Variants in PCGF2 observed in about 807,000 individuals in gnomAD.
The protein encoded by PCGF2 is polycomb group ring finger 2.
Under a neutral mutation model 36.1 loss-of-function variants are expected in PCGF2, and 8 were observed. That is an observed-to-expected ratio of 0.22 (90% CI 0.13 to 0.40). PCGF2 has a LOEUF of 0.40. Ranked by LOEUF, PCGF2 falls within the 10% of genes least tolerant of loss-of-function variation. PCGF2 has a pLI of 1.00. For missense variants in PCGF2, 436 were observed against 475.9 expected, an observed-to-expected ratio of 0.92 and a Z score of 0.78; for synonymous variants, 198 against 191.2, an observed-to-expected ratio of 1.04 and a Z score of -0.29.
At chr17:38,740,732 C>T (rs969204430) in intron 2 of PCGF2, among the ~76,000 whole-genome samples, 3 of 152,072 alleles carry the variant, frequency 2.0e-5, no homozygotes, top group Non-Finnish European at 4.4e-5. Flanking sequence ...GCACTCCAGC[C>T]TGGGCGACAG....
intron 2 of PCGF2, among the ~76,000 whole-genome samples, chr17:38,741,750 T>C (rs954609104): frequency 4.6e-5 from 7 of 152,128 alleles, no homozygotes; most frequent in South Asian, 2.1e-4. Flanking sequence ...ATGCCTGAAG[T>C]TGGGAACGTG....
At position 38,735,284 on chromosome 17, in the gene PCGF2, G is replaced by C; in HGVS notation, c.974C>G (p.Ser325Cys). Reference sequence around the variant, plus strand: ...CATCTTGCGCCCCCTGCTGGTGGAGGATGGTGTCTGCAGGCAGTTCAAGCT... The same window carrying C: ...CATCTTGCGCCCCCTGCTGGTGGAGCATGGTGTCTGCAGGCAGTTCAAGCT... ...GGSLNCLQTP[S>C]STSRGRKMTV... is the part of the protein sequence containing the mutation. Residue 325 changes from serine (S) to cysteine (C), a missense_variant, in exon 11 of 11, where the codon TCC becomes TGC. Around this residue, in one of 3 missense-constraint regions of PCGF2, gnomAD observed 227 missense variants for 212.9 expected, o/e 1.07. Coordinates refer to ENST00000620225, the MANE Select transcript of PCGF2 (RefSeq NM_007144.3). 1 of 1,487,632 alleles carries C rather than the reference G, an allele frequency of 6.7e-7. No individual in the cohort carries two copies. Among genetic ancestry groups the C allele is most frequent in the Non-Finnish European group, 9.0e-7 (1 of 1,108,238 alleles). 92.2% of individuals were successfully genotyped at this position (1,487,632 alleles called of 1,614,324 possible).
intron 9 of PCGF2, among the ~76,000 whole-genome samples, chr17:38,736,572 T>C (rs9889239): frequency 0.51 from 77,496 of 151,944 alleles, 20,006 homozygotes; most frequent in African/African-American, 0.56. Flanking sequence ...CGGTGGCTCA[T>C]GCCTGTAATC....
At chr17:38,744,576 C>G (rs1255071682) in intron 2 of PCGF2, among the ~76,000 whole-genome samples, 3 of 152,038 alleles carry the variant, frequency 2.0e-5, no homozygotes, top group Non-Finnish European at 4.4e-5. Flanking sequence ...GGCTGGTTTC[C>G]AACTCCTGGC....
intron 2 of PCGF2, among the ~76,000 whole-genome samples, chr17:38,743,159 C>T (rs1200384678): frequency 4.7e-5 from 7 of 149,424 alleles, no homozygotes; most frequent in Non-Finnish European, 7.4e-5. Context: ...GGTGCGATCT[C>T]GGCTCACTGC....
chr17:38,741,204 G>A (rs1347718302), intron 2 of PCGF2, among the ~76,000 whole-genome samples: 3 of 151,680 alleles, frequency 2.0e-5, no homozygotes, highest in South Asian at 4.2e-4. Flanking sequence ...CTGGGTGGTC[G>A]AGGCTACAGT....
At position 38,738,821 on chromosome 17, in the gene PCGF2, C is replaced by T. The variant is rs1237454347; in HGVS notation, c.357G>A (p.Glu119=). The T allele has an allele frequency of 6.2e-7, 1 of 1,614,002 alleles. No individual in the cohort carries two copies. Among genetic ancestry groups the T allele is most frequent in the Non-Finnish European group, 8.5e-7 (1 of 1,179,996 alleles). Residue 119 remains glutamate, a synonymous_variant, in exon 7 of 11, where the codon GAG becomes GAA. Coordinates refer to ENST00000620225, the MANE Select transcript of PCGF2 (RefSeq NM_007144.3). ...CATCACTCAGAGCCCCCTTCTCCTG[C>T]TCCAAGACCTCGCCGCGGTCCTCAT... ...GSNEDRGEVL[E]QEKGALSDDE... is the part of the protein sequence containing the mutation.
At chr17:38,745,821 C>T (rs150468357) in intron 2 of PCGF2, among the ~76,000 whole-genome samples, 2 of 152,164 alleles carry the variant, frequency 1.3e-5, no homozygotes, top group Non-Finnish European at 2.9e-5. Flanking sequence ...TGACCATCAG[C>T]ATGGACTCCT....
intron 2 of PCGF2, among the ~76,000 whole-genome samples, chr17:38,746,878 T>C (rs1259696679): frequency 6.6e-6 from 1 of 152,200 alleles, no homozygotes. Flanking sequence ...GCTGGCTTTA[T>C]GCTCCCAGTA....
intron 8 of PCGF2, 39 bp from the exon 9 acceptor site, chr17:38,738,487 C>G (rs1906936529): frequency 6.2e-7 from 1 of 1,612,862 alleles, no homozygotes; most frequent in African/African-American, 1.3e-5. Context: ...GGATCCACCC[C>G]AGGCCACTCC....
At chr17:38,736,562 C>A (rs888986295) in intron 9 of PCGF2, among the ~76,000 whole-genome samples, 1 of 152,138 alleles carries the variant, frequency 6.6e-6, no homozygotes, top group Non-Finnish European at 1.5e-5. Flanking sequence ...TGGCCGGGTG[C>A]GGTGGCTCAT....
In PCGF2 at chr17:38,735,156, A is replaced by C; in HGVS notation, c.*67T>G. The C allele has an allele frequency of 8.1e-7, 1 of 1,231,614 alleles. No homozygotes were observed. Among genetic ancestry groups the C allele is most frequent in the Non-Finnish European group, 1.0e-6 (1 of 952,782 alleles). 76.3% of individuals were successfully genotyped at this position (1,231,614 alleles called of 1,614,324 possible). The stretch of plus-strand genomic sequence containing the variant: ...GCTGGGGAAAGTAGAAGAGGTGGAA[A>C]AAAGGGCCCAGAAAAAGTGGAAGGA... On this transcript the variant is annotated 3_prime_UTR_variant, in exon 11 of 11. Transcript: ENST00000620225.
chr17:38,748,410 A>T (rs1907704245), upstream of PCGF2: 1 of 149,464 alleles, frequency 6.7e-6, no homozygotes, highest in African/African-American at 2.5e-5. Flanking sequence ...TGGGGGGGAG[A>T]CAAAATGGCT....
intron 2 of PCGF2, among the ~76,000 whole-genome samples, chr17:38,747,423 C>T (rs867047642): frequency 3.9e-5 from 6 of 152,224 alleles, no homozygotes; most frequent in South Asian, 2.1e-4. Context: ...CCCCAGCGCC[C>T]GGGCTTCCCC....
chr17:38,743,438 G>C (rs575263468), intron 2 of PCGF2, among the ~76,000 whole-genome samples: 2 of 151,844 alleles, frequency 1.3e-5, no homozygotes, highest in East Asian at 3.9e-4. Flanking sequence ...CCCACACTGC[G>C]AATGGCTGTA....
At chr17:38,744,190 G>C (rs1339605906) in intron 2 of PCGF2, among the ~76,000 whole-genome samples, 2 of 152,128 alleles carry the variant, frequency 1.3e-5, no homozygotes, top group African/African-American at 4.8e-5. Flanking sequence ...CCACATTCTG[G>C]GCCCTGAGGC....
In PCGF2 at chr17:38,735,563, G is replaced by C. The variant is rs749903360; in HGVS notation, c.695C>G (p.Ala232Gly). The C allele has an allele frequency of 5.0e-6, 8 of 1,585,228 alleles. No individual in the cohort carries two copies. Among genetic ancestry groups the C allele is most frequent in the Non-Finnish European group, 5.1e-6 (6 of 1,165,128 alleles). ...PLPLKYRVQP[A>G]CKRLTLATVP... Reference sequence around the variant, plus strand: ...CGTGGCTAGGGTGAGCCGCTTGCAGGCTGGCTGGACACGGTACTTGAGGGG... The same window carrying C: ...CGTGGCTAGGGTGAGCCGCTTGCAGCCTGGCTGGACACGGTACTTGAGGGG... The change falls in exon 11 of 11, where the codon GCC becomes GGC. Residue 232 changes from alanine to glycine, a missense_variant. Ala to Gly is a moderately conservative substitution (Grantham distance 60, BLOSUM62 0). Coordinates refer to ENST00000620225, the MANE Select transcript of PCGF2 (RefSeq NM_007144.3).
Position 38,735,496 on chromosome 17 carries a change from G to A in PCGF2, c.762C>T (p.Ser254=), listed in dbSNP as rs746398641. 27 of 1,593,522 alleles carry A rather than the reference G, an allele frequency of 1.7e-5. No individual in the cohort carries two copies. The highest frequency in any genetic ancestry group is 6.8e-5 in the South Asian group (6 of 88,030). Residue 254 remains serine, a synonymous_variant, in exon 11 of 11, where the codon TCC becomes TCT. Transcript: ENST00000620225. Reference sequence around the variant, plus strand: ...CCTTGTCGCTGACTGACTCACACTCGGACGCCCCGCTGGTGTTGGTGCCCT... The same window carrying A: ...CCTTGTCGCTGACTGACTCACACTCAGACGCCCCGCTGGTGTTGGTGCCCT... ...PSEGTNTSGA[S]ECESVSDKAP...
At chr17:38,745,527 A>G (rs1197397803) in intron 2 of PCGF2, among the ~76,000 whole-genome samples, 2 of 152,198 alleles carry the variant, frequency 1.3e-5, no homozygotes, top group Non-Finnish European at 2.9e-5. Flanking sequence ...AGAAAAAGAA[A>G]AAGAAGCACC....
Sources: gnomAD v4.1 joint callset for allele counts (sites outside exome capture counted in the v4.1 genomes callset) on GRCh38, gnomAD v4.1.1 for gene constraint, gnomAD v4.1.1 regional missense constraint, MANE v1.5 for transcripts, NCBI Gene and HGNC (gene_info 2026-07-23, HGNC 2026-07-21) for gene names.